Variants in USP45 observed in about 807,000 individuals in gnomAD.
USP45 encodes the protein ubiquitin specific peptidase 45.
In USP45, 89 loss-of-function variants were observed where a neutral mutation model predicts 95.8. The ratio of observed to expected loss-of-function variants is 0.93; its 90% CI spans 0.78 to 1.11. USP45 has a LOEUF of 1.11. Ranked by LOEUF, USP45 falls within the 50% of genes least tolerant of loss-of-function variation. USP45 has a pLI of 0.00. For synonymous variants in USP45, 281 were observed against 316.2 expected (o/e 0.89, Z 1.18); for missense variants, 898 against 942.5 (o/e 0.95, Z 0.62).
At chr6:99,460,356 A>G (rs1035013927) in intron 13 of USP45, among the ~76,000 whole-genome samples, 2 of 152,202 alleles carry the variant, frequency 1.3e-5, no homozygotes, top group Admixed American at 6.5e-5. Flanking sequence ...GAAAATGATC[A>G]AAGGGGAGAT....
rs777962036 is a variant in USP45 at position 99,476,229 on chromosome 6, C to A, written c.847G>T (p.Ala283Ser). 1.2e-6 allele frequency: 2 copies of A among 1,613,566 alleles called. No homozygotes were observed. The highest frequency in any genetic ancestry group is 1.7e-6 in the Non-Finnish European group (2 of 1,179,696). Reference sequence around the variant, plus strand: ...TGCTGGAAATCTTTAAATCGAGGTGCCCTGTGATTTAAAAACAAAAGAGGA... The same window carrying A: ...TGCTGGAAATCTTTAAATCGAGGTGACCTGTGATTTAAAAACAAAAGAGGA... ...KVLFNQLCQKAPRFKDFQQQD... is the reference protein window; with the variant it reads ...KVLFNQLCQKSPRFKDFQQQD... Residue 283 changes from alanine to serine, a missense_variant and splice_region_variant, in exon 9 of 18, where the codon GCA (alanine) becomes TCA (serine). Physicochemically the swap from Ala to Ser is moderately conservative, Grantham distance 99. Transcript: ENST00000500704.
At position 99,468,558 on chromosome 6, in the gene USP45, C is replaced by G. The variant is rs777405840; in HGVS notation, c.994G>C (p.Glu332Gln). The change falls in exon 10 of 18, where the codon GAA becomes CAA. Residue 332 changes from glutamate (E) to glutamine (Q), a missense_variant. Coordinates refer to ENST00000500704, the MANE Select transcript of USP45 (RefSeq NM_001346022.3). ...NNPTTKTADD[E>Q]TRKKVKAYGK... ...ATACCTTTGACTTTTTTTCTAGTTT[C>G]ATCATCAGCAGTTTTAGTAGTTGGG... 6.2e-7 allele frequency: 1 copy of G among 1,607,046 alleles called. No individual in the cohort carries two copies. The highest frequency in any genetic ancestry group is 1.7e-5 in the Admixed American group (1 of 59,448).
At chr6:99,439,937 TGTA>T (rs1781217387) in intron 15 of USP45, 82 bp from the exon 16 acceptor site, 1 of 1,061,044 alleles carries the variant, frequency 9.4e-7, no homozygotes. Flanking sequence ...AAAGAGAAAT[TGTA>T]GGACTTAGTT....
chr6:99,513,953 T>C (rs1800511454), intron 1 of USP45, among the ~76,000 whole-genome samples: 1 of 152,272 alleles, frequency 6.6e-6, no homozygotes, highest in Admixed American at 6.5e-5. Flanking sequence ...ATGGACACAA[T>C]GTACATTATT....
chr6:99,445,212 T>C (rs773393363), intron 14 of USP45, among the ~76,000 whole-genome samples: 5 of 152,128 alleles, frequency 3.3e-5, no homozygotes, highest in Non-Finnish European at 7.3e-5. Context: ...AGGCCAGGCA[T>C]GGTGGCTCAC....
At chr6:99,468,237 C>T in intron 10 of USP45, 1 of 480,448 alleles carries the variant, frequency 2.1e-6, no homozygotes, top group Non-Finnish European at 4.1e-6. Flanking sequence ...TACATATGAA[C>T]TTCCAAGTGT....
intron 7 of USP45, among the ~76,000 whole-genome samples, chr6:99,483,276 C>T (rs1210436183): frequency 6.6e-6 from 1 of 152,076 alleles, no homozygotes; most frequent in African/African-American, 2.4e-5. Context: ...TAGGATTATA[C>T]ACCTTTCTTT....
intron 6 of USP45, 90 bp from the exon 7 acceptor site, chr6:99,488,385 CAA>C (rs1794465866): frequency 1.2e-6 from 1 of 844,756 alleles, no homozygotes; most frequent in East Asian, 2.7e-5. Flanking sequence ...TCTAGCATAG[CAA>C]AAGTGTCTAT....
chr6:99,503,326 A>G (rs1053514179), intron 5 of USP45, among the ~76,000 whole-genome samples: 1 of 144,106 alleles, frequency 6.9e-6, no homozygotes, highest in Non-Finnish European at 1.5e-5. Context: ...GATACTCATA[A>G]TTTTTTTTTT....
At chr6:99,462,618 T>A (rs955792888) in intron 13 of USP45, 5 of 985,280 alleles carry the variant, frequency 5.1e-6, no homozygotes, top group Non-Finnish European at 4.8e-6. Context: ...AAATTAGCTT[T>A]TATTTATAGA....
Position 99,461,403 on chromosome 6 carries a change from T to C in USP45, c.1308+3201A>G, listed in dbSNP as rs146634902. 1.0e-3 allele frequency: 1,012 copies of C among 985,412 alleles called. 6 individuals carry two copies. The African/African-American group carries it at 0.013, about 12-fold the overall frequency. The allele number at this position is 985,412 out of a possible 1,614,324, so 61.0% of individuals were successfully genotyped here. ...GTTTTTGGTTCAAGAAGGATGTTTA[T>C]ATAGGCCTATGGCTATTTACTCTGT... On this transcript the variant is annotated intron_variant, in intron 13 of 17. Coordinates refer to ENST00000500704, the MANE Select transcript of USP45 (RefSeq NM_001346022.3).
intron 9 of USP45, among the ~76,000 whole-genome samples, chr6:99,469,471 A>AAT (rs1206776466): frequency 4.3e-3 from 328 of 75,896 alleles, no homozygotes; most frequent in African/African-American, 0.013. Flanking sequence ...ATATATATAT[A>AAT]ATATATATAT....
chr6:99,478,220 GT>G (rs71021740), intron 8 of USP45, among the ~76,000 whole-genome samples: 56,686 of 98,734 alleles, frequency 0.57, 15,634 homozygotes, highest in East Asian at 0.85. Context: ...ACTTAGATTT[GT>G]TTTTTTTTTT....
At position 99,484,357 on chromosome 6, in the gene USP45, G is replaced by A. The variant is rs1461659497; in HGVS notation, c.715-1474C>T. On this transcript the variant is annotated intron_variant, in intron 7 of 17. Transcript: ENST00000500704. Reference sequence around the variant, plus strand: ...TGATTTTTAAAATTTTTGTAGAGACGGGGGTAGAGGGGGGGTCTCACTTTG... The same window carrying A: ...TGATTTTTAAAATTTTTGTAGAGACAGGGGTAGAGGGGGGGTCTCACTTTG... Among the ~76,000 whole-genome samples the A allele has an allele frequency of 2.8e-5, 4 of 145,272 alleles. No homozygotes were observed. In the East Asian group the frequency reaches 8.7e-4, roughly 31 times the overall value.
chr6:99,483,832 G>A (rs1207635877), intron 7 of USP45, among the ~76,000 whole-genome samples: 12 of 94,820 alleles, frequency 1.3e-4, no homozygotes, highest in South Asian at 4.6e-4. Flanking sequence ...GCGACAGAGC[G>A]AGACTCCGTC....
Position 99,466,733 on chromosome 6 carries a change from A to C in USP45, c.1046T>G (p.Phe349Cys), listed in dbSNP as rs61761590. Residue 349 changes from phenylalanine to cysteine, a missense_variant, in exon 11 of 18, where the codon TTC becomes TGC. Physicochemically the swap from Phe to Cys is radical, Grantham distance 205 (BLOSUM62 -2). Coordinates refer to ENST00000500704, the MANE Select transcript of USP45 (RefSeq NM_001346022.3). ...TTCACCAATAAAGATCCGATCTATG[A>C]AGTTCATTTTCACACCTTCTTTTCC... ...AYGKEGVKMN[F>C]IDRIFIGELT... 2,225 of 1,613,474 alleles carry C rather than the reference A, an allele frequency of 1.4e-3. 30 individuals are homozygous for C. In the African/African-American group the frequency reaches 0.026, roughly 19 times the overall value.
intron 13 of USP45, among the ~76,000 whole-genome samples, chr6:99,453,593 A>G (rs1309637335): frequency 6.6e-6 from 1 of 152,218 alleles, no homozygotes; most frequent in African/African-American, 2.4e-5. Flanking sequence ...AAAGCAATCT[A>G]TAGACTCCAT....
At chr6:99,461,807 C>G (rs1786527650) in intron 13 of USP45, 4 of 982,598 alleles carry the variant, frequency 4.1e-6, no homozygotes, top group Non-Finnish European at 4.8e-6. Flanking sequence ...TTAAAAAATA[C>G]TATAAAGTTT....
At chr6:99,510,323 T>A (rs942850984) in intron 1 of USP45, 93 bp from the exon 2 acceptor site, 22 of 790,832 alleles carry the variant, frequency 2.8e-5, no homozygotes, top group Non-Finnish European at 4.2e-5. Flanking sequence ...TGAAATGACT[T>A]CAATTTCAAC....
Sources: allele counts gnomAD v4.1 joint callset (sites outside exome capture counted in the v4.1 genomes callset), GRCh38; gene constraint gnomAD v4.1.1; transcripts MANE v1.5; gene names NCBI Gene and HGNC (gene_info 2026-07-23, HGNC 2026-07-21).